PCDHA11: variants seen among roughly 807,000 people sequenced by gnomAD.
PCDHA11 encodes protocadherin alpha-11.
A neutral mutation model predicts 70.3 loss-of-function variants in PCDHA11; 61 were observed. That is an observed-to-expected ratio of 0.87 (90% CI 0.71 to 1.07). PCDHA11 has a LOEUF of 1.07. PCDHA11 is among the 50% of genes least tolerant of loss of function. The pLI is 0.00. For synonymous variants in PCDHA11, 633 were observed against 555.1 expected (o/e 1.14, Z -1.97); for missense variants, 1,324 against 1,237.5 (o/e 1.07, Z -1.05).
intron 1 of PCDHA11, among the ~76,000 whole-genome samples, chr5:140,887,955 C>A (rs568878730): frequency 4.4e-4 from 67 of 152,206 alleles, no homozygotes; most frequent in African/African-American, 1.6e-3. Flanking sequence ...GTATAAGATT[C>A]TTTTTGTCTC....
At chr5:140,884,833 C>A in intron 1 of PCDHA11, 2 of 916,632 alleles carry the variant, frequency 2.2e-6, no homozygotes, top group Non-Finnish European at 3.1e-6. Context: ...GTTGGATTAT[C>A]CTTCAGAGTG....
At chr5:140,887,906 T>C (rs2061622663) in intron 1 of PCDHA11, among the ~76,000 whole-genome samples, 1 of 152,198 alleles carries the variant, frequency 6.6e-6, no homozygotes, top group Admixed American at 6.5e-5. Context: ...TCCTAAACAG[T>C]GTATTCTTCA....
chr5:140,967,836 A>G, intron 1 of PCDHA11: 1 of 1,614,136 alleles, frequency 6.2e-7, no homozygotes, highest in African/African-American at 1.3e-5. Flanking sequence ...GACATCGTGG[A>G]CGTGAATGAC....
At chr5:140,873,448 T>C (rs917341990) in intron 1 of PCDHA11, among the ~76,000 whole-genome samples, 1 of 152,206 alleles carries the variant, frequency 6.6e-6, no homozygotes, top group East Asian at 1.9e-4. Flanking sequence ...AAATAACAAA[T>C]TTGCATTTTA....
chr5:140,969,167 T>G (rs1554231527), intron 1 of PCDHA11: 1 of 1,613,668 alleles, frequency 6.2e-7, no homozygotes. Flanking sequence ...GACAGCAGGC[T>G]CAGGGAGTGA....
At chr5:141,002,085 A>G (rs959603404) in intron 3 of PCDHA11, among the ~76,000 whole-genome samples, 1 of 152,244 alleles carries the variant, frequency 6.6e-6, no homozygotes, top group African/African-American at 2.4e-5. Context: ...AAGAACGAGC[A>G]GTCCAGGGGC....
intron 1 of PCDHA11, among the ~76,000 whole-genome samples, chr5:140,917,183 A>T (rs2077937210): frequency 6.6e-6 from 1 of 152,132 alleles, no homozygotes; most frequent in African/African-American, 2.4e-5. Flanking sequence ...GTGATCCCAG[A>T]GTGTCTCTCC....
At chr5:140,904,519 A>C (rs576512079) in intron 1 of PCDHA11, among the ~76,000 whole-genome samples, 2 of 152,174 alleles carry the variant, frequency 1.3e-5, no homozygotes, top group Non-Finnish European at 2.9e-5. Context: ...GTGCTGCTAT[A>C]AACTTGTGTG....
chr5:140,928,712 GT>G (rs782592622), intron 1 of PCDHA11: 1 of 1,614,168 alleles, frequency 6.2e-7, no homozygotes, highest in Non-Finnish European at 8.5e-7. Context: ...TCTGACTCTA[GT>G]CTCTTTAGAA....
chr5:140,915,262 T>G (rs539637990), intron 1 of PCDHA11, among the ~76,000 whole-genome samples: 1 of 152,290 alleles, frequency 6.6e-6, no homozygotes, highest in Admixed American at 6.5e-5. Context: ...GTTATTATTT[T>G]TGACCAGTTC....
chr5:140,898,965 G>T (rs2067069000), intron 1 of PCDHA11, among the ~76,000 whole-genome samples: 1 of 152,044 alleles, frequency 6.6e-6, no homozygotes, highest in Non-Finnish European at 1.5e-5. Flanking sequence ...GTGAATGGGA[G>T]TTCACTCATG....
In PCDHA11 at chr5:140,912,862, T is replaced by C. The variant is rs181526076; in HGVS notation, c.2391+41368T>C. On this transcript the variant is annotated intron_variant, in intron 1 of 3. Coordinates refer to ENST00000398640, the MANE Select transcript of PCDHA11 (RefSeq NM_018902.5). Reference sequence around the variant, plus strand: ...GCTTTTTCAGCATCAATTGAAATGATATATGGTTTTTGGTCTTCATTCTGT... The same window carrying C: ...GCTTTTTCAGCATCAATTGAAATGACATATGGTTTTTGGTCTTCATTCTGT... Among the ~76,000 whole-genome samples, 6 of 152,338 alleles carry C rather than the reference T, an allele frequency of 3.9e-5. No individual in the cohort carries two copies. In the East Asian group the frequency reaches 1.2e-3, roughly 29 times the overall value.
In PCDHA11 at chr5:140,875,833, G is replaced by A. The variant is rs782436615; in HGVS notation, c.2391+4339G>A. 1 of 1,614,220 alleles carries A rather than the reference G, an allele frequency of 6.2e-7. No homozygotes were observed. Among genetic ancestry groups the A allele is most frequent in the Non-Finnish European group, 8.5e-7 (1 of 1,180,044 alleles). On this transcript the variant is annotated intron_variant, in intron 1 of 3. Coordinates refer to ENST00000398640, the MANE Select transcript of PCDHA11 (RefSeq NM_018902.5). ...GCCGCTGCAGGTTTTCCATGTGGAC[G>A]TGGAGGTGAAGGACATTAACGACAA...
intron 1 of PCDHA11, among the ~76,000 whole-genome samples, chr5:140,878,595 A>G (rs1413193453): frequency 6.6e-6 from 1 of 152,192 alleles, no homozygotes; most frequent in East Asian, 1.9e-4. Flanking sequence ...CCTATTACCA[A>G]GTGAATCTTC....
rs1226660080 is a variant in PCDHA11, at chr5:140,870,405, G to A, written c.1302G>A (p.Leu434=). 1 of 1,614,248 alleles carries A rather than the reference G, an allele frequency of 6.2e-7. No homozygotes were observed. The highest frequency in any genetic ancestry group is 8.5e-7 in the Non-Finnish European group (1 of 1,180,050). ...CGCGGGATGGGGGTTCGCCTTCTCT[G>A]TGGGCCACGGCCAGGGTATCCGTGG... The part of the protein sequence containing the change: ...VTARDGGSPS[L]WATARVSVEV... The change falls in exon 1 of 4, where the codon CTG becomes CTA. Residue 434 remains leucine, a synonymous_variant. Coordinates refer to ENST00000398640, the MANE Select transcript of PCDHA11 (RefSeq NM_018902.5).
rs1228559116 is a variant in PCDHA11, at chr5:140,927,616, G to A, written c.2392-51333G>A. On this transcript the variant is annotated intron_variant, in intron 1 of 3. Coordinates refer to ENST00000398640, the MANE Select transcript of PCDHA11 (RefSeq NM_018902.5). ...TGAGCGCTCCGTATACCGCACCAAG[G>A]TTCCAGAGACTGCACCCAATGGGAC... 1.1e-5 allele frequency: 18 copies of A among 1,614,046 alleles called. No individual in the cohort carries two copies. Among genetic ancestry groups the A allele is most frequent in the Non-Finnish European group, 1.5e-5 (18 of 1,180,038 alleles).
intron 1 of PCDHA11, among the ~76,000 whole-genome samples, chr5:140,943,885 T>C (rs762067236): frequency 6.6e-5 from 10 of 152,242 alleles, no homozygotes; most frequent in Non-Finnish European, 1.2e-4. Flanking sequence ...TTCATTGGAC[T>C]GGTCATTATG....
chr5:140,952,821 A>G (rs269545), intron 1 of PCDHA11, among the ~76,000 whole-genome samples: 31,238 of 152,098 alleles, frequency 0.21, 3,965 homozygotes, highest in African/African-American at 0.36. Context: ...CTGTACAGGA[A>G]GCATGATGCT....
intron 1 of PCDHA11, among the ~76,000 whole-genome samples, chr5:140,944,665 A>G (rs782357699): frequency 1.1e-4 from 17 of 152,138 alleles, no homozygotes; most frequent in Non-Finnish European, 2.5e-4. Flanking sequence ...CCCCTTATTT[A>G]TCTATTCTGT....
Sources: allele counts gnomAD v4.1 joint callset (sites outside exome capture counted in the v4.1 genomes callset), GRCh38; gene constraint gnomAD v4.1.1; transcripts MANE v1.5; gene names NCBI Gene and HGNC (gene_info 2026-07-23, HGNC 2026-07-21).